The following OPCML variants were observed in gnomAD, a reference collection of about 807,000 sequenced individuals.
The protein encoded by OPCML is opioid-binding protein/cell adhesion molecule.
In OPCML, 13 loss-of-function variants were observed where a neutral mutation model predicts 37.8. That is an observed-to-expected ratio of 0.34 (90% CI 0.22 to 0.55). The LOEUF is 0.55. Ranked by LOEUF, OPCML falls within the 20% of genes least tolerant of loss-of-function variation. The pLI is 0.91. For synonymous variants in OPCML, 176 were observed against 168.8 expected (o/e 1.04, Z -0.33); for missense variants, 341 against 435.6 (o/e 0.78, Z 1.93).
In OPCML at chr11:132,678,895, T is replaced by C. The variant is rs183322954; in HGVS notation, c.147-21576A>G. On this transcript the variant is annotated intron_variant, in intron 2 of 7. Transcript: ENST00000524381. ...ACTACACAGTCTGCCAGTGATGATG[T>C]GTCATTGTAGGTTCCTCAGCTGTAA... 2.8e-3 allele frequency among the ~76,000 whole-genome samples: 420 copies of C among 152,180 alleles called. 1 individual carries two copies. Among genetic ancestry groups the C allele is most frequent in the Non-Finnish European group, 4.6e-3 (310 of 68,012 alleles).
intron 3 of OPCML, among the ~76,000 whole-genome samples, chr11:132,592,852 A>G (rs73041750): frequency 0.12 from 18,369 of 152,196 alleles, 1,813 homozygotes; most frequent in African/African-American, 0.25. Flanking sequence ...AACGTAGTAA[A>G]CACACAAAAT....
At chr11:133,161,985 CTTTTT>C (rs553617547) in intron 1 of OPCML, among the ~76,000 whole-genome samples, 28 of 85,484 alleles carry the variant, frequency 3.3e-4, no homozygotes, top group East Asian at 1.8e-3. Context: ...CAGTCTCTGT[CTTTTT>C]TTTTTTTTTT....
intron 1 of OPCML, among the ~76,000 whole-genome samples, chr11:133,528,187 C>T (rs943596466): frequency 6.6e-6 from 1 of 152,256 alleles, no homozygotes; most frequent in Non-Finnish European, 1.5e-5. Context: ...TTCCAGGCTA[C>T]TGAAAAAGCC....
intron 4 of OPCML, among the ~76,000 whole-genome samples, chr11:132,472,604 A>T (rs923425211): frequency 6.6e-6 from 1 of 152,248 alleles, no homozygotes; most frequent in African/African-American, 2.4e-5. Flanking sequence ...AGAATATACA[A>T]GTTCTCCATG....
chr11:133,188,191 T>C (rs1302682799), intron 1 of OPCML, among the ~76,000 whole-genome samples: 2 of 152,214 alleles, frequency 1.3e-5, no homozygotes, highest in Non-Finnish European at 2.9e-5. Flanking sequence ...AAAGCTGTCA[T>C]TGCAATTATC....
intron 2 of OPCML, among the ~76,000 whole-genome samples, chr11:132,934,607 T>C (rs976283268): frequency 6.6e-6 from 1 of 152,178 alleles, no homozygotes; most frequent in Non-Finnish European, 1.5e-5. Context: ...GTAATTCCAC[T>C]TGAGGTTTTT....
chr11:132,745,734 AG>A (rs1264637804), intron 2 of OPCML, among the ~76,000 whole-genome samples: 3 of 152,168 alleles, frequency 2.0e-5, no homozygotes, highest in Non-Finnish European at 2.9e-5. Flanking sequence ...GTGTGAGCGC[AG>A]TGTAATTAAG....
At chr11:133,160,111 A>C (rs988573986) in intron 1 of OPCML, among the ~76,000 whole-genome samples, 10 of 152,244 alleles carry the variant, frequency 6.6e-5, no homozygotes, top group African/African-American at 2.2e-4. Context: ...CAGAAATTCG[A>C]AAGTATCCTC....
At chr11:132,768,939 G>A (rs1022095407) in intron 2 of OPCML, among the ~76,000 whole-genome samples, 48 of 152,244 alleles carry the variant, frequency 3.2e-4, no homozygotes, top group African/African-American at 1.0e-3. Context: ...AAATCGTAAA[G>A]AGCAGCTTGT....
intron 2 of OPCML, among the ~76,000 whole-genome samples, chr11:132,665,403 A>G (rs1942174941): frequency 6.6e-6 from 1 of 152,210 alleles, no homozygotes; most frequent in Non-Finnish European, 1.5e-5. Context: ...TGCAGAAAGC[A>G]ATTTCTCACA....
chr11:133,523,346 T>C (rs1220316418), intron 1 of OPCML, among the ~76,000 whole-genome samples: 1 of 152,138 alleles, frequency 6.6e-6, no homozygotes, highest in African/African-American at 2.4e-5. Flanking sequence ...CCCAGGAGTG[T>C]TGGTGCTGAC....
intron 3 of OPCML, among the ~76,000 whole-genome samples, chr11:132,583,592 G>A (rs2096466450): frequency 6.6e-6 from 1 of 152,062 alleles, no homozygotes; most frequent in Non-Finnish European, 1.5e-5. Flanking sequence ...GAGTCACTGA[G>A]CCCAGCCATA....
intron 1 of OPCML, among the ~76,000 whole-genome samples, chr11:133,258,241 G>A (rs764740829): frequency 3.9e-5 from 6 of 152,190 alleles, no homozygotes; most frequent in Non-Finnish European, 5.9e-5. Flanking sequence ...GTTTTGGAAG[G>A]CCACACACAA....
At chr11:133,370,815 A>T (rs566828456) in intron 1 of OPCML, among the ~76,000 whole-genome samples, 1 of 152,330 alleles carries the variant, frequency 6.6e-6, no homozygotes, top group Non-Finnish European at 1.5e-5. Flanking sequence ...ATGAAAATAC[A>T]CCAATGGGAC....
At chr11:132,526,652 A>T (rs968074637) in intron 4 of OPCML, among the ~76,000 whole-genome samples, 1 of 152,204 alleles carries the variant, frequency 6.6e-6, no homozygotes, top group Non-Finnish European at 1.5e-5. Context: ...CTCTTATTTG[A>T]TAAGTGCAAT....
At chr11:133,414,366 C>T (rs539091971) in intron 1 of OPCML, among the ~76,000 whole-genome samples, 63 of 152,198 alleles carry the variant, frequency 4.1e-4, no homozygotes, top group African/African-American at 1.4e-3. Context: ...AATTCCAATA[C>T]GCTATTCTGA....
intron 2 of OPCML, among the ~76,000 whole-genome samples, chr11:132,715,770 C>A (rs1425370125): frequency 6.6e-6 from 1 of 152,226 alleles, no homozygotes; most frequent in South Asian, 2.1e-4. Context: ...GTTAATAGAC[C>A]ATCTGTCCGT....
chr11:132,508,736 G>A (rs929040824), intron 4 of OPCML, among the ~76,000 whole-genome samples: 1 of 152,112 alleles, frequency 6.6e-6, no homozygotes, highest in Admixed American at 6.5e-5. Flanking sequence ...TGTAAGAAGT[G>A]CCTTTGCCTC....
rs116433470 is a variant in OPCML, at chr11:133,043,710, G to A, written c.62-100700C>T. 3.4e-3 allele frequency among the ~76,000 whole-genome samples: 523 copies of A among 152,164 alleles called. 2 individuals carry two copies. The highest frequency in any genetic ancestry group is 0.012 in the African/African-American group (503 of 41,494). On this transcript the variant is annotated intron_variant, in intron 1 of 7. Coordinates refer to ENST00000524381, the MANE Select transcript of OPCML (RefSeq NM_001012393.5). ...CTCCCAATTGTGAGTGATTGCGTGCGGTTACTTTTATGTGCATGATGAAAA... is the reference window on the plus strand; with the variant it reads ...CTCCCAATTGTGAGTGATTGCGTGCAGTTACTTTTATGTGCATGATGAAAA...
Sources: allele counts gnomAD v4.1 joint callset (sites outside exome capture counted in the v4.1 genomes callset), GRCh38; gene constraint gnomAD v4.1.1; transcripts MANE v1.5; gene names NCBI Gene and HGNC (gene_info 2026-07-23, HGNC 2026-07-21).